The following AGBL2 variants were observed in gnomAD, a reference collection of about 807,000 sequenced individuals.
AGBL2 encodes the protein AGBL carboxypeptidase 2.
Under a neutral mutation model 103.0 loss-of-function variants are expected in AGBL2, and 87 were observed. The ratio of observed to expected loss-of-function variants is 0.84; its 90% CI spans 0.71 to 1.01. The LOEUF (loss-of-function observed/expected upper bound fraction) is 1.01. AGBL2 is among the 50% of genes least tolerant of loss of function. The pLI, the probability that AGBL2 is intolerant of heterozygous loss-of-function variation, is 0.00. For missense variants in AGBL2, 904 were observed against 1,023.5 expected (o/e 0.88, Z 1.59); for synonymous variants, 335 against 356.7 (o/e 0.94, Z 0.69).
At chr11:47,710,999 C>T in intron 3 of AGBL2, 1 of 368,100 alleles carries the variant, frequency 2.7e-6, no homozygotes. Context: ...AGAAAGGGTT[C>T]CAACCCTCAA....
intron 18 of AGBL2, among the ~76,000 whole-genome samples, chr11:47,660,679 G>A (rs545447219): frequency 5.4e-4 from 82 of 151,412 alleles, no homozygotes; most frequent in Middle Eastern, 3.5e-3. Context: ...TCAGCCTCCC[G>A]AGGAGCTGGG....
At chr11:47,678,286 C>CTGTATTTTAT (rs1402280517) in intron 13 of AGBL2, among the ~76,000 whole-genome samples, 1 of 128,682 alleles carries the variant, frequency 7.8e-6, no homozygotes, top group Non-Finnish European at 1.6e-5. Context: ...CAATGCAATA[C>CTGTATTTTAT]TCTATTTTAT....
rs571109759 is a variant in AGBL2, at chr11:47,684,290, G to A, written c.1788+1603C>T. Among the ~76,000 whole-genome samples, 64 of 149,956 alleles carry A rather than the reference G, an allele frequency of 4.3e-4. 1 individual carries two copies. Among genetic ancestry groups the A allele is most frequent in the Admixed American group, 3.2e-3 (48 of 15,076 alleles). On this transcript the variant is annotated intron_variant, in intron 11 of 18. Coordinates refer to ENST00000525123, the MANE Select transcript of AGBL2 (RefSeq NM_024783.4). ...GTCTTGAAAAAATAAATAAAAGGAC[G>A]GGTATGGTGGCTCACACCTATAATC...
intron 10 of AGBL2, among the ~76,000 whole-genome samples, chr11:47,686,938 A>G (rs1217439947): frequency 1.5e-5 from 2 of 137,652 alleles, no homozygotes; most frequent in East Asian, 2.2e-4. Context: ...TAGCCTGGGC[A>G]TCAAGAGTGA....
intron 18 of AGBL2, among the ~76,000 whole-genome samples, chr11:47,661,099 G>A (rs999517353): frequency 6.6e-6 from 1 of 152,030 alleles, no homozygotes; most frequent in Non-Finnish European, 1.5e-5. Flanking sequence ...GCAGGCAGAG[G>A]TTGCAGTGAG....
chr11:47,676,839 C>G (rs1029073929), intron 14 of AGBL2, among the ~76,000 whole-genome samples: 3 of 142,238 alleles, frequency 2.1e-5, no homozygotes, highest in Non-Finnish European at 4.6e-5. Flanking sequence ...AAAAAAGAAA[C>G]TAAAACCTGT....
At chr11:47,664,518 T>C (rs1359600626) in intron 17 of AGBL2, among the ~76,000 whole-genome samples, 2 of 151,630 alleles carry the variant, frequency 1.3e-5, no homozygotes, top group Non-Finnish European at 2.9e-5. Flanking sequence ...TTCAAGTGAT[T>C]GTCCTGCCTC....
At chr11:47,660,369 A>T in intron 18 of AGBL2, 23 bp from the exon 19 acceptor site, 1 of 1,582,674 alleles carries the variant, frequency 6.3e-7, no homozygotes, top group Non-Finnish European at 8.6e-7. Context: ...GATTTTAAAA[A>T]GTTGAATTCA....
At chr11:47,666,768 A>C (rs1043260902) in intron 17 of AGBL2, 188 bp downstream of exon 17, 7 of 629,690 alleles carry the variant, frequency 1.1e-5, no homozygotes, top group Non-Finnish European at 1.7e-5. Flanking sequence ...TTGATTCCAG[A>C]CTTCAGTCAT....
intron 13 of AGBL2, among the ~76,000 whole-genome samples, chr11:47,678,338 A>ATTTTTTTTTTTTTTTTTTT (rs1196435610): frequency 7.0e-4 from 67 of 95,218 alleles, no homozygotes; most frequent in South Asian, 1.9e-3. Flanking sequence ...TTATTTTATT[A>ATTTTTTTTTTTTTTTTTTT]TTTTATTTTT....
chr11:47,696,541 G>A (rs2097474819), intron 8 of AGBL2, among the ~76,000 whole-genome samples: 1 of 152,076 alleles, frequency 6.6e-6, no homozygotes, highest in Non-Finnish European at 1.5e-5. Flanking sequence ...TGGGATTAGA[G>A]GCCTGAACTA....
At chr11:47,689,939 G>A in intron 10 of AGBL2, 137 bp downstream of exon 10, 1 of 681,798 alleles carries the variant, frequency 1.5e-6, no homozygotes, top group South Asian at 2.8e-5. Flanking sequence ...ACTACAAAGA[G>A]ACTGGTAAGG....
chr11:47,685,776 G>A (rs762428179), intron 11 of AGBL2, 117 bp downstream of exon 11: 114 of 1,176,514 alleles, frequency 9.7e-5, no homozygotes, highest in Non-Finnish European at 1.3e-4. Flanking sequence ...TAGGTTGCTC[G>A]GATTTACCAA....
intron 7 of AGBL2, among the ~76,000 whole-genome samples, chr11:47,702,086 G>A (rs1324642325): frequency 6.6e-6 from 1 of 152,128 alleles, no homozygotes; most frequent in African/African-American, 2.4e-5. Flanking sequence ...AGGAGTTCAA[G>A]GCTGCAGTGA....
At chr11:47,711,814 C>A (rs537762052) in intron 3 of AGBL2, among the ~76,000 whole-genome samples, 67 of 152,054 alleles carry the variant, frequency 4.4e-4, no homozygotes, top group Non-Finnish European at 7.9e-4. Flanking sequence ...GGATTACAGG[C>A]GTGAGCCACC....
rs1196682683 is a variant in AGBL2, at chr11:47,710,372, C to T, written c.232+5G>A. The T allele has an allele frequency of 6.2e-6, 10 of 1,613,846 alleles. No individual in the cohort carries two copies. The highest frequency in any genetic ancestry group is 3.3e-4 in the Middle Eastern group (2 of 6,080). On this transcript the variant is annotated splice_donor_5th_base_variant and intron_variant, in intron 4 of 18. Coordinates refer to ENST00000525123, the MANE Select transcript of AGBL2 (RefSeq NM_024783.4). ...TAGAGGTCACACATACTGATTGTTA[C>T]TCACATAGAAGCTTCTCCTTTTGCA... is the stretch of plus-strand genomic sequence containing the variant.
chr11:47,686,540 G>A (rs2153803979), intron 10 of AGBL2, among the ~76,000 whole-genome samples: 1 of 145,542 alleles, frequency 6.9e-6, no homozygotes, highest in South Asian at 2.2e-4. Flanking sequence ...AATCCCTAGT[G>A]TTGGAGGTGG....
In AGBL2 at chr11:47,712,369, T is replaced by C. The variant is rs543735695; in HGVS notation, c.98-1858A>G. 2.6e-5 allele frequency among the ~76,000 whole-genome samples: 4 copies of C among 152,320 alleles called. 1 individual carries two copies. In the South Asian group the frequency reaches 8.3e-4, roughly 32 times the overall value. ...TACTAATACAATGAATATTACTCCA[T>C]CTTATTTCAATATACCAGTAACAAA... On this transcript the variant is annotated intron_variant, in intron 3 of 18. Coordinates refer to ENST00000525123, the MANE Select transcript of AGBL2 (RefSeq NM_024783.4).
intron 7 of AGBL2, among the ~76,000 whole-genome samples, chr11:47,700,049 C>A (rs763413116): frequency 1.3e-5 from 2 of 152,032 alleles, no homozygotes; most frequent in Non-Finnish European, 2.9e-5. Flanking sequence ...CCTCCGCCTC[C>A]CGGGTTCAAG....
Sources: gnomAD v4.1 joint callset for allele counts (sites outside exome capture counted in the v4.1 genomes callset) on GRCh38, gnomAD v4.1.1 for gene constraint, MANE v1.5 for transcripts, NCBI Gene and HGNC (gene_info 2026-07-23, HGNC 2026-07-21) for gene names.